AGAP1: variants seen among roughly 807,000 people sequenced by gnomAD.
AGAP1 encodes arf-GAP with GTPase, ANK repeat and PH domain-containing protein 1.
A neutral mutation model predicts 105.3 loss-of-function variants in AGAP1; 29 were observed. That is an observed-to-expected ratio of 0.28 (90% CI 0.21 to 0.38). AGAP1 has a LOEUF of 0.38. AGAP1 is among the 10% of genes least tolerant of loss of function. The probability of loss-of-function intolerance (pLI) is 1.00; values close to 1 mark genes in which losing one functional copy is unlikely to be tolerated. For synonymous variants in AGAP1, 509 were observed against 485.9 expected, an observed-to-expected ratio of 1.05 and a Z score of -0.63; for missense variants, 998 against 1,165.1, an observed-to-expected ratio of 0.86 and a Z score of 2.09.
chr2:235,800,524 CTG>C (rs1357590669), intron 8 of AGAP1, among the ~76,000 whole-genome samples: 1 of 152,182 alleles, frequency 6.6e-6, no homozygotes, highest in African/African-American at 2.4e-5. Context: ...ACCAATCAAT[CTG>C]GATTCTACAC....
rs2057573987 is a variant in AGAP1, at chr2:236,042,294, A to G, written c.1891+1453A>G. ...CGCCCCCTCCAAGAGTCCACTCAGC[A>G]GCATAGCAGGCAGGGGAGAGATCAA... On this transcript the variant is annotated intron_variant, in intron 15 of 17. Coordinates refer to ENST00000304032, the MANE Select transcript of AGAP1 (RefSeq NM_001037131.3). This position sits in a 1 kb window ranked among gnomAD's most constrained non-coding sequence, Gnocchi z 5.6. 6.6e-6 allele frequency among the ~76,000 whole-genome samples: 1 copy of G among 152,126 alleles called. No individual in the cohort carries two copies. Among genetic ancestry groups the G allele is most frequent in the Admixed American group, 6.5e-5 (1 of 15,272 alleles).
Position 236,073,385 on chromosome 2 carries a change from T to G in AGAP1, c.2114+24104T>G, listed in dbSNP as rs1349230961. Among the ~76,000 whole-genome samples, 1 of 152,194 alleles carries G rather than the reference T, an allele frequency of 6.6e-6. No homozygotes were observed. The highest frequency in any genetic ancestry group is 1.9e-4 in the East Asian group (1 of 5,190). On this transcript the variant is annotated intron_variant, in intron 16 of 17. Transcript: ENST00000304032. This position sits in a 1 kb window ranked among gnomAD's most constrained non-coding sequence, Gnocchi z 5.4. ...TAGGACTAGCCACGTTTCAAGCATC[T>G]GATGGCCACATGTGGCCCATGTTTG...
chr2:235,945,582 C>T (rs1436668645), intron 12 of AGAP1, among the ~76,000 whole-genome samples: 4 of 90,626 alleles, frequency 4.4e-5, no homozygotes, highest in African/African-American at 2.4e-4. Flanking sequence ...TTGCATTTTC[C>T]CCTAATAAAA....
chr2:235,669,634 G>GCCCGCCC (rs1553601618), intron 1 of AGAP1: 1 of 147,986 alleles, frequency 6.8e-6, no homozygotes, highest in Non-Finnish European at 1.5e-5. Context: ...GCCGCCCGCC[G>GCCCGCCC]CCCGCCACCC....
chr2:235,863,499 C>T (rs1197133108), intron 9 of AGAP1, among the ~76,000 whole-genome samples: 1 of 152,214 alleles, frequency 6.6e-6, no homozygotes, highest in Admixed American at 6.5e-5. Context: ...GTCGAGTCCT[C>T]AGTTGGCACA....
intron 11 of AGAP1, among the ~76,000 whole-genome samples, chr2:235,928,799 G>A (rs1167275818): frequency 6.6e-6 from 1 of 152,200 alleles, no homozygotes; most frequent in African/African-American, 2.4e-5. Flanking sequence ...ATGGTGGCAC[G>A]TGGAAAATAC....
rs1389714583 is a variant in AGAP1, at chr2:235,701,208, G to A, written c.164-7971G>A. ...GGGGGTGGAAATCACTATCCTCTAA[G>A]AAGTTACAAACCTGCAAATCCTCTA... On this transcript the variant is annotated intron_variant, in intron 1 of 17. Coordinates refer to ENST00000304032, the MANE Select transcript of AGAP1 (RefSeq NM_001037131.3). This position sits in a 1 kb window ranked among gnomAD's most constrained non-coding sequence, Gnocchi z 4.1. Among the ~76,000 whole-genome samples, 1 of 151,584 alleles carries A rather than the reference G, an allele frequency of 6.6e-6. No homozygotes were observed. The highest frequency in any genetic ancestry group is 1.5e-5 in the Non-Finnish European group (1 of 67,948).
In AGAP1 at chr2:236,036,658, A is replaced by G. The variant is rs370416395; in HGVS notation, c.1743A>G (p.Gln581=). ...ATGAGGAGCGGGACGCCTGGGTCCA[A>G]GCCATCGAGAGCCAGATCCTGGCCA... ...TTYEERDAWV[Q]AIESQILASL... Residue 581 remains glutamine (Q), a synonymous_variant, in exon 14 of 18, where the codon CAA becomes CAG. Transcript: ENST00000304032. The surrounding 1 kb of genome is among the most constrained non-coding windows in gnomAD (Gnocchi z 5.7). 26 of 1,614,226 alleles carry G rather than the reference A, an allele frequency of 1.6e-5. No individual in the cohort carries two copies. In the African/African-American group the frequency reaches 3.3e-4, roughly 21 times the overall value.
rs1559410586 is a variant in AGAP1, at chr2:235,733,621, G to T, written c.311-7342G>T. Among the ~76,000 whole-genome samples, 1 of 152,066 alleles carries T rather than the reference G, an allele frequency of 6.6e-6. No homozygotes were observed. Among genetic ancestry groups the T allele is most frequent in the African/African-American group, 2.4e-5 (1 of 41,386 alleles). On this transcript the variant is annotated intron_variant, in intron 3 of 17. Transcript: ENST00000304032. The surrounding 1 kb of genome is among the most constrained non-coding windows in gnomAD (Gnocchi z 5.0). ...TAACCTGGAGTTTGGCTTTTTTCTT[G>T]TTCTGTGTTCCTTTTGTACCTTACT...
rs149278354 is a variant in AGAP1 at position 235,682,112 on chromosome 2, A to G, written c.164-27067A>G. ...GTGATCCACGCATCTTGGCCTCCCAAAGTGCTGGGATTACAGGCGTGAGCC... is the reference window on the plus strand; with the variant it reads ...GTGATCCACGCATCTTGGCCTCCCAGAGTGCTGGGATTACAGGCGTGAGCC... On this transcript the variant is annotated intron_variant, in intron 1 of 17. Coordinates refer to ENST00000304032, the MANE Select transcript of AGAP1 (RefSeq NM_001037131.3). Among the ~76,000 whole-genome samples the G allele has an allele frequency of 1.1e-3, 172 of 152,072 alleles. 2 individuals carry two copies. The highest frequency in any genetic ancestry group is 3.9e-3 in the African/African-American group (163 of 41,500).
rs1327895486 is a variant in AGAP1, at chr2:236,035,738, G to T, written c.1646-823G>T. Reference sequence around the variant, plus strand: ...GGGACAGGAATAATGAACAGAGGCCGACGTGGATCTGTGGAGTGTCTCCTA... The same window carrying T: ...GGGACAGGAATAATGAACAGAGGCCTACGTGGATCTGTGGAGTGTCTCCTA... On this transcript the variant is annotated intron_variant, in intron 13 of 17. Transcript: ENST00000304032. The surrounding 1 kb of genome is among the most constrained non-coding windows in gnomAD (Gnocchi z 4.2). 6.6e-6 allele frequency among the ~76,000 whole-genome samples: 1 copy of T among 152,178 alleles called. No homozygotes were observed. The highest frequency in any genetic ancestry group is 2.4e-5 in the African/African-American group (1 of 41,450).
Position 236,036,688 on chromosome 2 carries a change from G to T in AGAP1, c.1773G>T (p.Leu591=). 6.2e-7 allele frequency: 1 copy of T among 1,614,220 alleles called. No individual in the cohort carries two copies. ...TCGAGAGCCAGATCCTGGCCAGCCTGCAGTCGTGCGAGAGCAGCAAGAACA... is the reference window on the plus strand; with the variant it reads ...TCGAGAGCCAGATCCTGGCCAGCCTTCAGTCGTGCGAGAGCAGCAAGAACA... The part of the protein sequence containing the change: ...QAIESQILAS[L]QSCESSKNKS... The change falls in exon 14 of 18, where the codon CTG becomes CTT. Residue 591 remains leucine, a synonymous_variant. Transcript: ENST00000304032. This position sits in a 1 kb window ranked among gnomAD's most constrained non-coding sequence, Gnocchi z 5.7.
chr2:235,797,838 C>G lies in AGAP1; in HGVS notation c.753C>G (p.Ser251Arg). 1 of 1,614,232 alleles carries G rather than the reference C, an allele frequency of 6.2e-7. No homozygotes were observed. The highest frequency in any genetic ancestry group is 8.5e-7 in the Non-Finnish European group (1 of 1,180,040). The change falls in exon 7 of 18, where the codon AGC (serine) becomes AGG (arginine). Residue 251 changes from serine (S) to arginine (R), a missense_variant. Coordinates refer to ENST00000304032, the MANE Select transcript of AGAP1 (RefSeq NM_001037131.3). ...GPCKSLPNSP[S>R]HSSVCSAQVS... ...GCAAGTCGCTACCTAATTCTCCCAG[C>G]CATTCCTCCGTCTGTTCCGCGCAGG...
At chr2:235,676,692 T>G (rs12465897) in intron 1 of AGAP1, among the ~76,000 whole-genome samples, 27,538 of 152,204 alleles carry the variant, frequency 0.18, 2,868 homozygotes, top group East Asian at 0.34. Context: ...TTTTGAAAAA[T>G]ATTTTCGGTA....
chr2:236,097,432 C>T (rs1029650547), intron 16 of AGAP1, among the ~76,000 whole-genome samples: 1 of 105,806 alleles, frequency 9.5e-6, no homozygotes, highest in African/African-American at 3.6e-5. Context: ...CTTGCTCTGT[C>T]GCCAGGCTGG....
intron 3 of AGAP1, among the ~76,000 whole-genome samples, chr2:235,730,732 T>G (rs1485078675): frequency 6.6e-6 from 1 of 152,202 alleles, no homozygotes; most frequent in Non-Finnish European, 1.5e-5. Flanking sequence ...ATATGTTTAG[T>G]TGACCATGCA....
intron 1 of AGAP1, among the ~76,000 whole-genome samples, chr2:235,668,364 G>A (rs1356032032): frequency 6.6e-6 from 1 of 152,074 alleles, no homozygotes; most frequent in Non-Finnish European, 1.5e-5. Context: ...AACACAATAG[G>A]TACCCCCACA....
chr2:235,523,475 C>T lies in AGAP1; in HGVS notation c.163+28626C>T, dbSNP rs369101299. 7.9e-5 allele frequency among the ~76,000 whole-genome samples: 12 copies of T among 152,298 alleles called. No homozygotes were observed. The East Asian group carries it at 1.4e-3, about 17-fold the overall frequency. ...TTCCCATCGGTGCCTGAGTCAAGGC[C>T]TAGGACTTGATGGATGGTGCCTGGC... On this transcript the variant is annotated intron_variant, in intron 1 of 17. Coordinates refer to ENST00000304032, the MANE Select transcript of AGAP1 (RefSeq NM_001037131.3).
chr2:235,509,963 C>G, intron 1 of AGAP1, among the ~76,000 whole-genome samples: 1 of 152,148 alleles, frequency 6.6e-6, no homozygotes, highest in South Asian at 2.1e-4. Context: ...CATAAGCGCA[C>G]AAACCCTGCT....
Sources: allele counts gnomAD v4.1 joint callset (sites outside exome capture counted in the v4.1 genomes callset), GRCh38; gene constraint gnomAD v4.1.1; non-coding constraint Gnocchi (gnomAD v3.1); transcripts MANE v1.5; gene names NCBI Gene and HGNC (gene_info 2026-07-23, HGNC 2026-07-21).